Variants in HSD17B6 observed in about 807,000 individuals in gnomAD.
HSD17B6 encodes 17-beta-hydroxysteroid dehydrogenase type 6.
Under a neutral mutation model 26.4 loss-of-function variants are expected in HSD17B6, and 16 were observed. The observed-to-expected ratio is 0.61, with a 90% CI of 0.41 to 0.92. The LOEUF is 0.92. HSD17B6 is among the 40% of genes least tolerant of loss of function. The probability of loss-of-function intolerance (pLI) is 0.00; values close to 1 mark genes in which losing one functional copy is unlikely to be tolerated. For missense variants in HSD17B6, 357 were observed against 386.1 expected (o/e 0.92, Z 0.63); for synonymous variants, 139 against 153.0 (o/e 0.91, Z 0.68).
chr12:56,777,452 C>T (rs2137915560), intron 2 of HSD17B6, among the ~76,000 whole-genome samples: 1 of 149,742 alleles, frequency 6.7e-6, no homozygotes, highest in Non-Finnish European at 1.5e-5. Flanking sequence ...GCAAACTCCG[C>T]CTCCCAGGTT....
chr12:56,770,249 A>C (rs1380936431), intron 1 of HSD17B6: 3 of 152,356 alleles, frequency 2.0e-5, no homozygotes, highest in African/African-American at 7.2e-5. Context: ...GTCTCCTTCC[A>C]CTTTACTTGC....
chr12:56,778,263 C>T (rs922666515), intron 2 of HSD17B6, among the ~76,000 whole-genome samples: 5 of 152,132 alleles, frequency 3.3e-5, no homozygotes, highest in African/African-American at 1.2e-4. Flanking sequence ...TCTTTGTTTT[C>T]CTCTCACCTC....
chr12:56,779,099 A>G (rs1028491002), intron 2 of HSD17B6, among the ~76,000 whole-genome samples: 5 of 149,808 alleles, frequency 3.3e-5, no homozygotes, highest in Non-Finnish European at 7.4e-5. Context: ...TTTTTTTTTT[A>G]GTAGAACATT....
chr12:56,776,809 G>A (rs768868897), intron 2 of HSD17B6, among the ~76,000 whole-genome samples: 6 of 152,082 alleles, frequency 3.9e-5, no homozygotes, highest in Non-Finnish European at 5.9e-5. Flanking sequence ...GAGCTACTGC[G>A]TCAAGCCTGA....
In HSD17B6 at chr12:56,787,364, T is replaced by A. The variant is rs779408272; in HGVS notation, c.*22T>A. ...CTAAAGAAAACTGGGTTGGTGCTTC[T>A]TGGAATGAAGGCAAAAATCTGAAAT... On this transcript the variant is annotated 3_prime_UTR_variant, in exon 5 of 5. Coordinates refer to ENST00000322165, the MANE Select transcript of HSD17B6 (RefSeq NM_003725.4). 1.0e-5 allele frequency: 16 copies of A among 1,545,062 alleles called. No individual in the cohort carries two copies. Among genetic ancestry groups the A allele is most frequent in the Non-Finnish European group, 1.4e-5 (16 of 1,123,006 alleles).
At chr12:56,771,781 T>C (rs1343277840) in intron 1 of HSD17B6, among the ~76,000 whole-genome samples, 1 of 152,124 alleles carries the variant, frequency 6.6e-6, no homozygotes, top group African/African-American at 2.4e-5. Flanking sequence ...TTAATTATCC[T>C]TTTGATATGG....
At chr12:56,780,029 C>A (rs1156543063) in intron 2 of HSD17B6, among the ~76,000 whole-genome samples, 2 of 152,166 alleles carry the variant, frequency 1.3e-5, no homozygotes, top group Non-Finnish European at 2.9e-5. Flanking sequence ...AGACACCATT[C>A]CAGTCTTCTG....
chr12:56,781,680 T>TA (rs1217124886), intron 2 of HSD17B6, among the ~76,000 whole-genome samples: 2 of 152,174 alleles, frequency 1.3e-5, no homozygotes, highest in Non-Finnish European at 2.9e-5. Context: ...TGCGTGCCTG[T>TA]AGTCCCAGCT....
chr12:56,772,292 CTATG>C (rs113556059), intron 1 of HSD17B6, among the ~76,000 whole-genome samples: 2 of 152,194 alleles, frequency 1.3e-5, no homozygotes, highest in African/African-American at 4.8e-5. Flanking sequence ...GAAAAATGGA[CTATG>C]TATTGTTCAC....
At chr12:56,778,101 T>C (rs114590884) in intron 2 of HSD17B6, among the ~76,000 whole-genome samples, 1,649 of 152,312 alleles carry the variant, frequency 0.011, 34 homozygotes, top group African/African-American at 0.037. Context: ...CAATAAATGC[T>C]GAATGAATCC....
At chr12:56,768,668 T>C (rs1169966825) in intron 1 of HSD17B6, among the ~76,000 whole-genome samples, 1 of 151,190 alleles carries the variant, frequency 6.6e-6, no homozygotes, top group African/African-American at 2.4e-5. Context: ...TTGGGAAATT[T>C]TGAAGGCTAG....
intron 2 of HSD17B6, among the ~76,000 whole-genome samples, chr12:56,774,582 T>C (rs1262476136): frequency 6.6e-6 from 1 of 152,182 alleles, no homozygotes; most frequent in Admixed American, 6.5e-5. Context: ...TACATTGTAA[T>C]ATATAATGAA....
rs535193208 is a variant in HSD17B6 at position 56,785,091 on chromosome 12, C to G, written c.736+75C>G. ...TTCTCATGCTGCTATGAAGAAATAA[C>G]TGAGACTGGGTAATTTATAAAGAAA... On this transcript the variant is annotated intron_variant, in intron 4 of 4. Transcript: ENST00000322165. 141 of 1,391,434 alleles carry G rather than the reference C, an allele frequency of 1.0e-4. 1 individual carries two copies. In the African/African-American group the frequency reaches 1.2e-3, roughly 12 times the overall value. The allele number at this position is 1,391,434 out of a possible 1,614,324, so 86.2% of individuals were successfully genotyped here.
intron 2 of HSD17B6, among the ~76,000 whole-genome samples, chr12:56,778,720 G>C (rs997018743): frequency 6.7e-6 from 1 of 148,762 alleles, no homozygotes; most frequent in African/African-American, 2.5e-5. Context: ...AGTCGCCCAG[G>C]CTGGAGTGCA....
intron 2 of HSD17B6, among the ~76,000 whole-genome samples, chr12:56,778,830 A>G (rs1954650043): frequency 6.6e-6 from 1 of 151,664 alleles, no homozygotes. Context: ...GTCCGCCATC[A>G]GGCCCGGCTA....
At chr12:56,774,193 C>G in intron 2 of HSD17B6, 28 bp downstream of exon 2, 1 of 1,522,952 alleles carries the variant, frequency 6.6e-7, no homozygotes, top group Non-Finnish European at 8.8e-7. Context: ...CTTTTATTTA[C>G]TTAGCATGAA....
At chr12:56,783,628 C>A (rs1954790590) in intron 3 of HSD17B6, among the ~76,000 whole-genome samples, 1 of 70,852 alleles carries the variant, frequency 1.4e-5, no homozygotes, top group Non-Finnish European at 2.7e-5. Flanking sequence ...GAGCGGCTGG[C>A]CGGGTGGGGG....
Position 56,767,877 on chromosome 12 carries a change from AC to A in HSD17B6, c.-20+4464del, listed in dbSNP as rs1954378771. On this transcript the variant is annotated intron_variant, in intron 1 of 4. Coordinates refer to ENST00000322165, the MANE Select transcript of HSD17B6 (RefSeq NM_003725.4). The stretch of plus-strand genomic sequence containing the variant: ...TGTGTGTGTATACGTGTATATATAC[AC>A]GTATATACACATATATATACAATGT... Among the ~76,000 whole-genome samples the A allele has an allele frequency of 6.0e-5, 9 of 149,346 alleles. No homozygotes were observed. In the South Asian group the frequency reaches 1.9e-3, roughly 31 times the overall value.
chr12:56,767,716 T>C, intron 1 of HSD17B6, among the ~76,000 whole-genome samples: 1 of 145,110 alleles, frequency 6.9e-6, no homozygotes, highest in Non-Finnish European at 1.5e-5. Flanking sequence ...TACACATATA[T>C]ACACACATAT....
Sources: gnomAD v4.1 joint callset for allele counts (sites outside exome capture counted in the v4.1 genomes callset) on GRCh38, gnomAD v4.1.1 for gene constraint, MANE v1.5 for transcripts, NCBI Gene and HGNC (gene_info 2026-07-23, HGNC 2026-07-21) for gene names.